The following SRSF1 variants were observed in gnomAD, a reference collection of about 807,000 sequenced individuals.
SRSF1 encodes serine and arginine rich splicing factor 1.
SRSF1 carries 1 observed loss-of-function variant against 25.9 expected under a neutral mutation model. That is an observed-to-expected ratio of 0.04 (90% CI 0.01 to 0.18). The LOEUF is 0.18. SRSF1 is among the 10% of genes least tolerant of loss of function. The probability of loss-of-function intolerance (pLI) is 1.00; values close to 1 mark genes in which losing one functional copy is unlikely to be tolerated. For missense variants in SRSF1, 65 were observed against 350.5 expected, an observed-to-expected ratio of 0.19 and a Z score of 6.50; for synonymous variants, 132 against 126.2, an observed-to-expected ratio of 1.05 and a Z score of -0.31.
At chr17:58,006,288 A>G in intron 2 of SRSF1, 55 bp downstream of exon 2, 3 of 1,537,146 alleles carry the variant, frequency 2.0e-6, no homozygotes, top group Non-Finnish European at 2.6e-6. Context: ...CGCAAGAGAA[A>G]AATTTTAGGT....
chr17:57,991,184 T>C, the SRSF1 span: 1 of 152,216 alleles, frequency 6.6e-6, no homozygotes. Context: ...AAAGGGCTAA[T>C]GACACATAAC....
At chr17:57,994,376 T>A in the SRSF1 span, 1 of 152,206 alleles carries the variant, frequency 6.6e-6, no homozygotes, top group Admixed American at 6.5e-5. Flanking sequence ...GTGTGATTAG[T>A]CTTCTCCCGA....
the SRSF1 span, chr17:57,989,405 G>A: frequency 5.0e-6 from 2 of 397,768 alleles, no homozygotes; most frequent in African/African-American, 4.1e-5. Context: ...TTCTTCAGAT[G>A]GACGCATTAT....
chr17:57,995,230 A>G, the SRSF1 span, among the ~76,000 whole-genome samples: 1 of 152,190 alleles, frequency 6.6e-6, no homozygotes, highest in Admixed American at 6.5e-5. Flanking sequence ...ATTTTTGTGG[A>G]TCTGTTACTA....
At chr17:58,006,161 G>A (rs1567749013) in intron 2 of SRSF1, 182 bp downstream of exon 2, 1 of 958,420 alleles carries the variant, frequency 1.0e-6, no homozygotes, top group Non-Finnish European at 1.5e-6. Flanking sequence ...TTCGTATCTA[G>A]TACCGCAACC....
chr17:58,006,793 A>C (rs2075432373), intron 1 of SRSF1, 151 bp downstream of exon 1: 2 of 1,020,182 alleles, frequency 2.0e-6, no homozygotes, highest in South Asian at 3.2e-5. Flanking sequence ...ACATCAACTC[A>C]GCTCCTTACT....
the SRSF1 span, chr17:57,991,824 T>C: frequency 3.9e-5 from 6 of 152,206 alleles, no homozygotes; most frequent in Admixed American, 3.3e-4. Flanking sequence ...CCAGGAGTTA[T>C]TTAACTGGCA....
downstream of SRSF1, among the ~76,000 whole-genome samples, chr17:57,997,172 AC>A (rs2075368599): frequency 6.6e-6 from 1 of 152,188 alleles, no homozygotes; most frequent in South Asian, 2.1e-4. Flanking sequence ...AAAACCACTT[AC>A]TTTGGTCTTA....
chr17:57,992,573 A>G, the SRSF1 span: 2 of 152,194 alleles, frequency 1.3e-5, no homozygotes, highest in South Asian at 2.1e-4. Flanking sequence ...TACAGCCTCC[A>G]CCCCAAATAC....
intron 2 of SRSF1, 122 bp downstream of exon 2, chr17:58,006,221 A>G: frequency 7.6e-7 from 1 of 1,307,778 alleles, no homozygotes; most frequent in Non-Finnish European, 1.1e-6. Context: ...AAATTCACCC[A>G]AAAACTAAAG....
At chr17:57,999,237 A>G (rs575909495), downstream of SRSF1, among the ~76,000 whole-genome samples, 1 of 152,342 alleles carries the variant, frequency 6.6e-6, no homozygotes, top group South Asian at 2.1e-4. Flanking sequence ...CTGTCACTCC[A>G]TAAAAGCAAA....
At chr17:57,996,898 A>G (rs905231643), downstream of SRSF1, among the ~76,000 whole-genome samples, 1 of 152,226 alleles carries the variant, frequency 6.6e-6, no homozygotes, top group Non-Finnish European at 1.5e-5. Flanking sequence ...GTCTCTTCAC[A>G]ATACATCGTT....
chr17:58,006,313 C>CA, intron 2 of SRSF1, 30 bp downstream of exon 2: 1 of 1,574,220 alleles, frequency 6.4e-7, no homozygotes, highest in Non-Finnish European at 8.6e-7. Flanking sequence ...TTCGTCCCTT[C>CA]ACATCAATCC....
the SRSF1 span, chr17:57,989,585 G>T: frequency 1.5e-5 from 6 of 397,652 alleles, no homozygotes; most frequent in Admixed American, 4.4e-5. Context: ...TAATTTGACA[G>T]TGTGTTTCCT....
At chr17:57,994,196 G>T in the SRSF1 span, 2 of 152,312 alleles carry the variant, frequency 1.3e-5, no homozygotes, top group East Asian at 3.9e-4. Context: ...CATCAGAACT[G>T]ATAACTTTTA....
chr17:57,997,915 C>G (rs2075371258), downstream of SRSF1, among the ~76,000 whole-genome samples: 1 of 152,110 alleles, frequency 6.6e-6, no homozygotes, highest in Admixed American at 6.6e-5. Context: ...ACATTTCTAG[C>G]CTTAAGTTGT....
chr17:57,990,037 G>A, the SRSF1 span: 10 of 319,052 alleles, frequency 3.1e-5, no homozygotes, highest in Middle Eastern at 8.1e-4. Context: ...ATGCACTCCA[G>A]AGTTTTCCTC....
intron 1 of SRSF1, 81 bp downstream of exon 1, chr17:58,006,863 G>A (rs1567749375): frequency 2.6e-6 from 4 of 1,509,720 alleles, no homozygotes; most frequent in East Asian, 4.5e-5. Context: ...CCGCTTCCCC[G>A]TTCTCTATGT....
chr17:57,992,886 T>C, the SRSF1 span: 3 of 152,200 alleles, frequency 2.0e-5, no homozygotes, highest in East Asian at 5.8e-4. Context: ...CAGAAACCTA[T>C]GCAGTATACT....
Sources: gnomAD v4.1 joint callset for allele counts (sites outside exome capture counted in the v4.1 genomes callset) on GRCh38, gnomAD v4.1.1 for gene constraint, MANE v1.5 for transcripts, NCBI Gene and HGNC (gene_info 2026-07-23, HGNC 2026-07-21) for gene names.